ABCA12: variants seen among roughly 807,000 people sequenced by gnomAD.
The protein encoded by ABCA12 is ATP binding cassette subfamily A member 12, also known as glucosylceramide transporter ABCA12.
In ABCA12, 156 loss-of-function variants were observed where a neutral mutation model predicts 293.5. The ratio of observed to expected loss-of-function variants is 0.53; its 90% CI spans 0.47 to 0.61. The LOEUF (loss-of-function observed/expected upper bound fraction) is 0.61. Among genes scored for constraint, ABCA12 ranks in the 20% least tolerant of loss-of-function variants. The probability of loss-of-function intolerance (pLI) is 0.00; values close to 1 mark genes in which losing one functional copy is unlikely to be tolerated. For missense variants in ABCA12, 2,797 were observed against 3,090.2 expected, an observed-to-expected ratio of 0.91 and a Z score of 2.25; for synonymous variants, 1,063 against 1,108.0, an observed-to-expected ratio of 0.96 and a Z score of 0.81.
chr2:215,117,774 T>G (rs183941741), intron 1 of ABCA12, among the ~76,000 whole-genome samples: 9 of 152,336 alleles, frequency 5.9e-5, no homozygotes, highest in Admixed American at 3.9e-4. Flanking sequence ...TATTTTTAAA[T>G]TATATGAAAC....
intron 2 of ABCA12, among the ~76,000 whole-genome samples, chr2:215,076,458 A>G (rs1701835570): frequency 6.6e-6 from 1 of 152,188 alleles, no homozygotes; most frequent in African/African-American, 2.4e-5. Flanking sequence ...CAAAATACAC[A>G]GGAAAACCAA....
intron 39 of ABCA12, among the ~76,000 whole-genome samples, chr2:214,965,103 C>T (rs1699221255): frequency 6.6e-6 from 1 of 151,990 alleles, no homozygotes; most frequent in African/African-American, 2.4e-5. Flanking sequence ...CTCTGACAAA[C>T]CTGACAAAAA....
In ABCA12 at chr2:215,004,215, C is replaced by A; in HGVS notation, c.2677G>T (p.Glu893Ter). The A allele has an allele frequency of 6.2e-7, 1 of 1,613,556 alleles. No individual in the cohort carries two copies. Among genetic ancestry groups the A allele is most frequent in the Non-Finnish European group, 8.5e-7 (1 of 1,179,706 alleles). ...DAVELLKQID[E>*]LDILRLKLEN... ...TTTGTGAATTTGGACTCACCGAGTT[C>A]ATCTATCTGTTTCAATAGTTCAACA... The change falls in exon 20 of 53, where the codon GAA becomes TAA. Residue 893 changes from glutamate to a stop codon, truncating the protein, a stop_gained. Coordinates refer to ENST00000272895, the MANE Select transcript of ABCA12 (RefSeq NM_173076.3). LOFTEE classifies it high-confidence loss of function.
intron 23 of ABCA12, 53 bp downstream of exon 23, chr2:214,997,642 T>C: frequency 1.5e-6 from 2 of 1,295,168 alleles, no homozygotes; most frequent in Admixed American, 3.5e-5. Flanking sequence ...AAAATCATAG[T>C]AATTGTTCTA....
At chr2:214,962,303 A>C (rs1699135879) in intron 39 of ABCA12, 1 of 152,290 alleles carries the variant, frequency 6.6e-6, no homozygotes, top group East Asian at 1.9e-4. Context: ...GATTAGAAAA[A>C]TAAACAGGCA....
rs1369482898 is a variant in ABCA12 at position 215,010,796 on chromosome 2, A to G, written c.2333-326T>C. ...TTACCTTTGAAAAAAATACACAAAA[A>G]CCAACCACTAGGATAGTACCAGATA... On this transcript the variant is annotated intron_variant, in intron 17 of 52. Coordinates refer to ENST00000272895, the MANE Select transcript of ABCA12 (RefSeq NM_173076.3). Among the ~76,000 whole-genome samples, 3 of 152,168 alleles carry G rather than the reference A, an allele frequency of 2.0e-5. 1 individual carries two copies. The East Asian group carries it at 5.8e-4, about 29-fold the overall frequency.
chr2:214,952,230 T>C (rs1243602461), intron 44 of ABCA12, among the ~76,000 whole-genome samples: 1 of 150,968 alleles, frequency 6.6e-6, no homozygotes, highest in African/African-American at 2.4e-5. Context: ...TTGTTTTTTT[T>C]TTTTTTTTGA....
chr2:214,942,687 TTAAC>T (rs1698445601), intron 50 of ABCA12, among the ~76,000 whole-genome samples: 1 of 152,176 alleles, frequency 6.6e-6, no homozygotes, highest in Non-Finnish European at 1.5e-5. Flanking sequence ...AACTTATGCA[TTAAC>T]TAAAATACAT....
chr2:215,024,867 A>G (rs879280228), intron 11 of ABCA12, among the ~76,000 whole-genome samples: 13 of 152,188 alleles, frequency 8.5e-5, no homozygotes, highest in Non-Finnish European at 1.8e-4. Context: ...TAACCTGTAT[A>G]CTATATGCAT....
chr2:215,001,899 G>C (rs1177213908), intron 20 of ABCA12, among the ~76,000 whole-genome samples, 162 bp from the exon 21 acceptor site: 1 of 152,150 alleles, frequency 6.6e-6, no homozygotes, highest in East Asian at 1.9e-4. Context: ...CAAAGAAAAT[G>C]GGTCGTTATG....
Position 215,012,024 on chromosome 2 carries a change from T to C in ABCA12, c.2068A>G (p.Lys690Glu), listed in dbSNP as rs766478614. 6.2e-7 allele frequency: 1 copy of C among 1,614,108 alleles called. No homozygotes were observed. Among genetic ancestry groups the C allele is most frequent in the South Asian group, 1.1e-5 (1 of 91,086 alleles). The change falls in exon 16 of 53, where the codon AAA (lysine) becomes GAA (glutamate). Residue 690 changes from lysine to glutamate, a missense_variant. Coordinates refer to ENST00000272895, the MANE Select transcript of ABCA12 (RefSeq NM_173076.3). Reference protein sequence around the residue: ...MASGTHPLLDKMRSLKQMHLP... With the variant: ...MASGTHPLLDEMRSLKQMHLP... ...TGCATTTGCTTCAGGGATCTCATTT[T>C]GTCTAGCAGCGGATGTGTGCCAGAA...
chr2:214,967,449 A>C (rs1258280594), intron 38 of ABCA12, among the ~76,000 whole-genome samples: 1 of 152,112 alleles, frequency 6.6e-6, no homozygotes, highest in African/African-American at 2.4e-5. Context: ...AACCTACCAA[A>C]TGGGGCGCGA....
chr2:215,027,872 T>C (rs2106025318), intron 9 of ABCA12, among the ~76,000 whole-genome samples: 1 of 152,302 alleles, frequency 6.6e-6, no homozygotes, highest in African/African-American at 2.4e-5. Flanking sequence ...CAATTTAGTG[T>C]TTCCAAATTC....
intron 28 of ABCA12, among the ~76,000 whole-genome samples, chr2:214,985,006 A>C (rs549781425): frequency 3.3e-5 from 5 of 152,348 alleles, no homozygotes; most frequent in African/African-American, 1.2e-4. Context: ...GAGGTCAAGG[A>C]AAGGTCCTGT....
In ABCA12 at chr2:214,997,725, A is replaced by T; in HGVS notation, c.3264T>A (p.Leu1088=). The T allele has an allele frequency of 6.2e-7, 1 of 1,613,220 alleles. No homozygotes were observed. Among genetic ancestry groups the T allele is most frequent in the South Asian group, 1.1e-5 (1 of 91,036 alleles). ...VVFIAAFVKK[L]VYEKDLRLHE... Reference sequence around the variant, plus strand: ...GAAGCCGGAGGTCTTTCTCATAGACAAGCTTTTTTACAAAGGCAGCTATAA... The same window carrying T: ...GAAGCCGGAGGTCTTTCTCATAGACTAGCTTTTTTACAAAGGCAGCTATAA... The change falls in exon 23 of 53, where the codon CTT becomes CTA. Residue 1088 remains leucine (L), a synonymous_variant. Coordinates refer to ENST00000272895, the MANE Select transcript of ABCA12 (RefSeq NM_173076.3).
intron 2 of ABCA12, among the ~76,000 whole-genome samples, chr2:215,082,043 CTTTTT>C (rs549072917): frequency 1.8e-5 from 2 of 113,160 alleles, no homozygotes; most frequent in Non-Finnish European, 3.4e-5. Flanking sequence ...ATTGTTAATT[CTTTTT>C]TTTTTTTTTT....
At chr2:215,137,589 T>C (rs966003747) in intron 1 of ABCA12, among the ~76,000 whole-genome samples, 1 of 152,232 alleles carries the variant, frequency 6.6e-6, no homozygotes, top group Non-Finnish European at 1.5e-5. Flanking sequence ...TCTTAAAACA[T>C]AGCACATATA....
chr2:215,125,811 G>C (rs758440316), intron 1 of ABCA12, among the ~76,000 whole-genome samples: 4 of 152,096 alleles, frequency 2.6e-5, no homozygotes, highest in Non-Finnish European at 4.4e-5. Context: ...GATTGCTCTG[G>C]CTAGGACTTC....
At chr2:215,134,512 A>G (rs1030434315) in intron 1 of ABCA12, among the ~76,000 whole-genome samples, 29 of 110,550 alleles carry the variant, frequency 2.6e-4, no homozygotes, top group African/African-American at 5.1e-4. Flanking sequence ...ATGCGTATGT[A>G]TATGTGTATA....
Sources: allele counts gnomAD v4.1 joint callset (sites outside exome capture counted in the v4.1 genomes callset), GRCh38; gene constraint gnomAD v4.1.1; transcripts MANE v1.5; gene names NCBI Gene and HGNC (gene_info 2026-07-23, HGNC 2026-07-21).